Variants in SASH1 observed in about 807,000 individuals in gnomAD.
SASH1 encodes the protein SAM and SH3 domain containing 1.
A neutral mutation model predicts 125.2 loss-of-function variants in SASH1; 44 were observed. The observed-to-expected ratio is 0.35, with a 90% CI of 0.28 to 0.45. The LOEUF (loss-of-function observed/expected upper bound fraction) is 0.45. Ranked by LOEUF, SASH1 falls within the 20% of genes least tolerant of loss-of-function variation. SASH1 has a pLI of 1.00. For missense variants in SASH1, 1,426 were observed against 1,614.5 expected (o/e 0.88, Z 2.00); for synonymous variants, 639 against 649.1 (o/e 0.98, Z 0.24).
chr6:148,531,899 G>GCAT (rs1280576891), intron 13 of SASH1, among the ~76,000 whole-genome samples: 5 of 151,464 alleles, frequency 3.3e-5, no homozygotes, highest in Admixed American at 3.3e-4. Flanking sequence ...AATAGGGAAA[G>GCAT]CATCTCAGAG....
chr6:148,355,913 G>A (rs912385762), intron 1 of SASH1, among the ~76,000 whole-genome samples: 1 of 152,080 alleles, frequency 6.6e-6, no homozygotes, highest in African/African-American at 2.4e-5. Flanking sequence ...AGGTCAGGTA[G>A]TATTTGGTTA....
At chr6:148,444,902 A>T (rs1163778229) in intron 4 of SASH1, among the ~76,000 whole-genome samples, 5 of 152,202 alleles carry the variant, frequency 3.3e-5, no homozygotes, top group African/African-American at 1.2e-4. Flanking sequence ...TTTTGATTAT[A>T]TGCTAAACAA....
At chr6:148,456,055 C>G (rs540066541) in intron 4 of SASH1, among the ~76,000 whole-genome samples, 63 of 152,280 alleles carry the variant, frequency 4.1e-4, no homozygotes, top group African/African-American at 1.4e-3. Flanking sequence ...CAGCAGGCCT[C>G]GGGGATGGTG....
At chr6:148,382,590 C>G (rs1783187031) in intron 1 of SASH1, among the ~76,000 whole-genome samples, 1 of 152,070 alleles carries the variant, frequency 6.6e-6, no homozygotes, top group Admixed American at 6.6e-5. Flanking sequence ...GTGCCTGGCC[C>G]CCCAATTTTT....
chr6:148,228,910 C>G, the SASH1 span, among the ~76,000 whole-genome samples: 5 of 152,122 alleles, frequency 3.3e-5, no homozygotes, highest in East Asian at 9.7e-4. Flanking sequence ...CCGAGGCGGG[C>G]AGATCACTTG....
intron 1 of SASH1, among the ~76,000 whole-genome samples, chr6:148,292,360 C>T (rs936919785): frequency 6.6e-6 from 1 of 152,104 alleles, no homozygotes; most frequent in Non-Finnish European, 1.5e-5. Flanking sequence ...TAGGGGCTCC[C>T]GACAATCCCA....
At chr6:148,224,311 A>C in the SASH1 span, among the ~76,000 whole-genome samples, 20,916 of 150,406 alleles carry the variant, frequency 0.14, 1,486 homozygotes, top group African/African-American at 0.17. Context: ...AGAAAGCCTT[A>C]TGTGTTTAGG....
At chr6:148,404,743 T>C (rs1583098338) in intron 2 of SASH1, among the ~76,000 whole-genome samples, 1 of 41,842 alleles carries the variant, frequency 2.4e-5, no homozygotes, top group Non-Finnish European at 4.3e-5. Flanking sequence ...ACCGTTCCCC[T>C]CTCCCAGCCC....
At chr6:148,374,936 A>G (rs1258287189) in intron 1 of SASH1, among the ~76,000 whole-genome samples, 2 of 152,024 alleles carry the variant, frequency 1.3e-5, no homozygotes, top group African/African-American at 4.8e-5. Context: ...GCCTCAAGTG[A>G]TCTGCCTGCC....
At chr6:148,535,450 G>A (rs573617137) in intron 16 of SASH1, among the ~76,000 whole-genome samples, 2 of 152,334 alleles carry the variant, frequency 1.3e-5, no homozygotes, top group East Asian at 1.9e-4. Context: ...CAGAGCACAC[G>A]AGGAGTTGTG....
Position 148,306,134 on chromosome 6 carries a change from A to G in SASH1, n.74+33757A>G, listed in dbSNP as rs183524058. On this transcript the variant is annotated intron_variant and non_coding_transcript_variant, in intron 1 of 3. Coordinates refer to the SASH1 transcript ENST00000367469. ...GTTACCTCTACTGATCCCTGGCCTT[A>G]GAGGGATGTAGCAACTGCTAAAACT... Among the ~76,000 whole-genome samples, 269 of 152,338 alleles carry G rather than the reference A, an allele frequency of 1.8e-3. 3 individuals carry two copies. Among genetic ancestry groups the G allele is most frequent in the African/African-American group, 6.3e-3 (261 of 41,584 alleles).
chr6:148,216,423 A>G, the SASH1 span, among the ~76,000 whole-genome samples: 11 of 152,162 alleles, frequency 7.2e-5, no homozygotes, highest in African/African-American at 2.4e-4. Context: ...TATTATGATA[A>G]GACTGGCTGG....
intron 4 of SASH1, among the ~76,000 whole-genome samples, chr6:148,464,807 G>T (rs1221562788): frequency 1.3e-5 from 2 of 152,050 alleles, no homozygotes; most frequent in East Asian, 3.9e-4. Context: ...GATGAGTTGG[G>T]GAGCCTCACG....
chr6:148,210,100 C>T, the SASH1 span, among the ~76,000 whole-genome samples: 14 of 152,318 alleles, frequency 9.2e-5, no homozygotes, highest in Admixed American at 9.1e-4. Context: ...CAGTATATTA[C>T]AGTAATGCTC....
At chr6:148,508,614 G>A in intron 8 of SASH1, 2 of 1,146,888 alleles carry the variant, frequency 1.7e-6, no homozygotes, top group Non-Finnish European at 2.2e-6. Context: ...CAGTTAGCAA[G>A]CGACTGGGGA....
chr6:148,294,526 G>A (rs1407541435), intron 1 of SASH1, among the ~76,000 whole-genome samples: 1 of 152,156 alleles, frequency 6.6e-6, no homozygotes, highest in Non-Finnish European at 1.5e-5. Flanking sequence ...AGCAACTGGT[G>A]AAACACTTGC....
chr6:148,408,774 T>A (rs1784480066), intron 2 of SASH1, among the ~76,000 whole-genome samples: 1 of 152,244 alleles, frequency 6.6e-6, no homozygotes, highest in African/African-American at 2.4e-5. Flanking sequence ...CTCACTATGT[T>A]GTCTTGTAAG....
At chr6:148,250,364 G>GAGAGAATTATATT in the SASH1 span, among the ~76,000 whole-genome samples, 14 of 152,110 alleles carry the variant, frequency 9.2e-5, no homozygotes, top group East Asian at 2.3e-3. Context: ...TCTAATTCTG[G>GAGAGAATTATATT]CTAACAGAGA....
intron 1 of SASH1, among the ~76,000 whole-genome samples, chr6:148,276,980 G>A (rs1219843612): frequency 6.6e-6 from 1 of 152,130 alleles, no homozygotes; most frequent in African/African-American, 2.4e-5. Flanking sequence ...CATTTACTAT[G>A]TGCCAGGCAC....
Sources: allele counts gnomAD v4.1 joint callset (sites outside exome capture counted in the v4.1 genomes callset), GRCh38; gene constraint gnomAD v4.1.1; transcripts MANE v1.5; gene names NCBI Gene and HGNC (gene_info 2026-07-23, HGNC 2026-07-21).